PTAR1: variants seen among roughly 807,000 people sequenced by gnomAD.
PTAR1 encodes protein prenyltransferase alpha subunit repeat containing 1, also known as protein prenyltransferase alpha subunit repeat-containing protein 1.
PTAR1 carries 17 observed loss-of-function variants against 45.5 expected under a neutral mutation model. The ratio of observed to expected loss-of-function variants is 0.37; its 90% CI spans 0.26 to 0.56. The LOEUF is 0.56. Ranked by LOEUF, PTAR1 falls within the 20% of genes least tolerant of loss-of-function variation. PTAR1 has a pLI of 0.77. For missense variants in PTAR1, 391 were observed against 476.3 expected (o/e 0.82, Z 1.67); for synonymous variants, 169 against 171.3 (o/e 0.99, Z 0.11).
In PTAR1 at chr9:69,709,672, T is replaced by C. The variant is rs1347427731; in HGVS notation, c.*8670A>G. 1.3e-5 allele frequency: 2 copies of C among 152,286 alleles called. No individual in the cohort carries two copies. The highest frequency in any genetic ancestry group is 4.8e-5 in the African/African-American group (2 of 41,572). 9.4% of individuals were successfully genotyped at this position (152,286 alleles called of 1,614,324 possible). Reference sequence around the variant, plus strand: ...GAACAAATCTAATGGAAAAAGAATATTTCATTCTACTTTTCTGCCACTTAT... The same window carrying C: ...GAACAAATCTAATGGAAAAAGAATACTTCATTCTACTTTTCTGCCACTTAT... On this transcript the variant is annotated 3_prime_UTR_variant, in exon 8 of 8. Transcript: ENST00000340434.
rs1164640302 is a variant in PTAR1, at chr9:69,712,967, G to C, written c.*5375C>G. On this transcript the variant is annotated 3_prime_UTR_variant, in exon 8 of 8. Coordinates refer to ENST00000340434, the MANE Select transcript of PTAR1 (RefSeq NM_001099666.2). Reference sequence around the variant, plus strand: ...AAATACGATCTATACTAAAATTTAAGAGCTAATAATATATTTAGCATATTT... The same window carrying C: ...AAATACGATCTATACTAAAATTTAACAGCTAATAATATATTTAGCATATTT... The C allele has an allele frequency of 6.6e-6, 1 of 151,998 alleles. No homozygotes were observed. The allele number at this position is 151,998 out of a possible 1,614,324, so 9.4% of individuals were successfully genotyped here. A position where few individuals can be genotyped will look rare whatever the true frequency, so the allele number is the denominator to read the frequency against.
intron 2 of PTAR1, among the ~76,000 whole-genome samples, chr9:69,750,516 A>C (rs1826478549): frequency 6.6e-6 from 1 of 151,510 alleles, no homozygotes; most frequent in South Asian, 2.1e-4. Flanking sequence ...ACCCCAATAC[A>C]TAAACTGATA....
intron 5 of PTAR1, among the ~76,000 whole-genome samples, chr9:69,729,365 C>T (rs1375145867): frequency 6.6e-6 from 1 of 152,222 alleles, no homozygotes; most frequent in East Asian, 1.9e-4. Flanking sequence ...CCTAATATAA[C>T]CTATTGTGAA....
intron 2 of PTAR1, among the ~76,000 whole-genome samples, chr9:69,749,326 C>T (rs1489868204): frequency 1.3e-5 from 2 of 152,142 alleles, no homozygotes; most frequent in Non-Finnish European, 2.9e-5. Flanking sequence ...TTCGATTATG[C>T]ATTTCTGTGC....
At chr9:69,756,287 G>A (rs375800338) in intron 1 of PTAR1, among the ~76,000 whole-genome samples, 104 of 152,226 alleles carry the variant, frequency 6.8e-4, no homozygotes, top group African/African-American at 2.3e-3. Context: ...AAATGCTATT[G>A]CCTCAGAAAG....
rs1164906048 is a variant in PTAR1, at chr9:69,711,261, G to A, written c.*7081C>T. ...GTCACCTCAGTCAGCAGCCAGCATC[G>A]AAGTCATGCATCAAGAACCTCGCCA... is the stretch of plus-strand genomic sequence containing the variant. On this transcript the variant is annotated 3_prime_UTR_variant, in exon 8 of 8. Transcript: ENST00000340434. 4 of 152,252 alleles carry A rather than the reference G, an allele frequency of 2.6e-5. No individual in the cohort carries two copies. The highest frequency in any genetic ancestry group is 2.1e-4 in the South Asian group (1 of 4,830). The allele number at this position is 152,252 out of a possible 1,614,324, so 9.4% of individuals were successfully genotyped here.
At position 69,718,536 on chromosome 9, in the gene PTAR1, C is replaced by T. The variant is rs1453363127; in HGVS notation, c.1015G>A (p.Asp339Asn). Residue 339 changes from aspartate to asparagine, a missense_variant, in exon 8 of 8, where the codon GAT (aspartate) becomes AAT (asparagine). By Grantham distance (23) the Asp-to-Asn change is conservative. Coordinates refer to ENST00000340434, the MANE Select transcript of PTAR1 (RefSeq NM_001099666.2). ...GSQLSQAMEVDGLNDSSKQGY... is the reference protein window; with the variant it reads ...GSQLSQAMEVNGLNDSSKQGY... The stretch of plus-strand genomic sequence containing the variant: ...TGCTTGCTAGAGTCATTCAGTCCAT[C>T]TACTTCCATTGCTTGAGACAGCTGG... 6.2e-7 allele frequency: 1 copy of T among 1,613,624 alleles called. No individual in the cohort carries two copies. The highest frequency in any genetic ancestry group is 8.5e-7 in the Non-Finnish European group (1 of 1,179,718).
intron 5 of PTAR1, among the ~76,000 whole-genome samples, chr9:69,730,351 T>C (rs1825479011): frequency 6.6e-6 from 1 of 151,994 alleles, no homozygotes; most frequent in African/African-American, 2.4e-5. Flanking sequence ...AAATTTCACT[T>C]TGGCCCCTTG....
At chr9:69,748,211 G>T (rs1003209295) in intron 2 of PTAR1, among the ~76,000 whole-genome samples, 1 of 152,054 alleles carries the variant, frequency 6.6e-6, no homozygotes, top group African/African-American at 2.4e-5. Flanking sequence ...AGTGGGGGCT[G>T]TGAAAAAGAG....
chr9:69,732,543 T>C (rs1384312784), intron 4 of PTAR1, among the ~76,000 whole-genome samples, 191 bp from the exon 5 acceptor site: 1 of 151,562 alleles, frequency 6.6e-6, no homozygotes, highest in Non-Finnish European at 1.5e-5. Context: ...TTTAGCAGTA[T>C]GGATGAAGGG....
intron 2 of PTAR1, 99 bp downstream of exon 2, chr9:69,750,682 A>G: frequency 1.2e-6 from 1 of 860,876 alleles, no homozygotes; most frequent in Non-Finnish European, 1.7e-6. Flanking sequence ...AAGAAGCAGA[A>G]CTAGAATCCA....
At chr9:69,756,631 G>A (rs1826789929) in intron 1 of PTAR1, among the ~76,000 whole-genome samples, 1 of 152,010 alleles carries the variant, frequency 6.6e-6, no homozygotes, top group African/African-American at 2.4e-5. Context: ...TCCCTGTGGA[G>A]GTCTCTGGCT....
intron 1 of PTAR1, chr9:69,758,718 A>G (rs1279686091): frequency 2.0e-5 from 8 of 404,942 alleles, no homozygotes; most frequent in Admixed American, 1.9e-4. Context: ...GGAGGAAAAG[A>G]ACACTTTGGT....
chr9:69,737,361 G>A (rs979474277), intron 3 of PTAR1, among the ~76,000 whole-genome samples: 3 of 152,126 alleles, frequency 2.0e-5, no homozygotes, highest in African/African-American at 7.2e-5. Flanking sequence ...GATTACAGGT[G>A]TGAGCCACCA....
chr9:69,750,634 T>C (rs1469853427), intron 2 of PTAR1, 147 bp downstream of exon 2: 2 of 564,198 alleles, frequency 3.5e-6, no homozygotes, highest in East Asian at 3.0e-5. Context: ...AACTACTCAC[T>C]TGACAGAAAG....
At chr9:69,726,201 G>C (rs889504636) in intron 5 of PTAR1, among the ~76,000 whole-genome samples, 4 of 152,030 alleles carry the variant, frequency 2.6e-5, no homozygotes, top group African/African-American at 7.2e-5. Context: ...ATCACTACTT[G>C]TAACATTCTG....
At chr9:69,729,132 C>G (rs1470277276) in intron 5 of PTAR1, among the ~76,000 whole-genome samples, 1 of 152,066 alleles carries the variant, frequency 6.6e-6, no homozygotes. Flanking sequence ...CCAGCCTGAC[C>G]AACATGGCGA....
chr9:69,710,865 A>G lies in PTAR1; in HGVS notation c.*7477T>C, dbSNP rs1298285027. The G allele has an allele frequency of 6.6e-6, 1 of 152,196 alleles. No homozygotes were observed. The highest frequency in any genetic ancestry group is 1.5e-5 in the Non-Finnish European group (1 of 68,026). 9.4% of individuals were successfully genotyped at this position (152,196 alleles called of 1,614,324 possible). ...CCATTTAAACATAAACTATAAGAAA[A>G]TCTTAAAACAATATTGACGGCAGCT... On this transcript the variant is annotated 3_prime_UTR_variant, in exon 8 of 8. Transcript: ENST00000340434.
intron 4 of PTAR1, 116 bp downstream of exon 4, chr9:69,734,034 G>T: frequency 4.6e-6 from 3 of 647,952 alleles, no homozygotes; most frequent in Non-Finnish European, 8.1e-6. Context: ...TAGGTAACCT[G>T]ACTTCAGAAT....
Sources: allele counts gnomAD v4.1 joint callset (sites outside exome capture counted in the v4.1 genomes callset), GRCh38; gene constraint gnomAD v4.1.1; transcripts MANE v1.5; gene names NCBI Gene and HGNC (gene_info 2026-07-23, HGNC 2026-07-21).